Variants in SPRTN observed in about 807,000 individuals in gnomAD.
The protein encoded by SPRTN is SprT-like N-terminal domain.
SPRTN carries 11 observed loss-of-function variants against 31.9 expected under a neutral mutation model. The observed-to-expected ratio is 0.34, with a 90% CI of 0.22 to 0.57. The LOEUF is 0.57. SPRTN is among the 20% of genes least tolerant of loss of function. SPRTN has a pLI of 0.86. For synonymous variants in SPRTN, 185 were observed against 212.1 expected (o/e 0.87, Z 1.11); for missense variants, 482 against 590.1 (o/e 0.82, Z 1.90).
chr1:231,352,966 A>G lies in SPRTN; in HGVS notation c.1075A>G (p.Ile359Val), dbSNP rs187873498. 3 of 1,614,150 alleles carry G rather than the reference A, an allele frequency of 1.9e-6. No homozygotes were observed. Among genetic ancestry groups the G allele is most frequent in the African/African-American group, 2.7e-5 (2 of 75,048 alleles). The stretch of plus-strand genomic sequence containing the variant: ...AAGGATAAGTGTAACAGTTGGCAAC[A>G]TCCCTAAAAACTCAGTCTCTTCTAG... ...SPRISVTVGN[I>V]PKNSVSSSSQ... The change falls in exon 5 of 5, where the codon ATC becomes GTC. Residue 359 changes from isoleucine (I) to valine (V), a missense_variant. Transcript: ENST00000295050.
chr1:231,354,260 T>G lies in SPRTN; in HGVS notation c.*899T>G. 1.0e-6 allele frequency: 1 copy of G among 977,932 alleles called. No homozygotes were observed. 60.6% of individuals were successfully genotyped at this position (977,932 alleles called of 1,614,324 possible). On this transcript the variant is annotated 3_prime_UTR_variant, in exon 5 of 5. Transcript: ENST00000295050. The stretch of plus-strand genomic sequence containing the variant: ...ATTTGTGCATTTTAAGTAATCTTTT[T>G]TAAAAAAAATATTTTCCATGTTATA...
intron 1 of SPRTN, 154 bp from the exon 2 acceptor site, chr1:231,339,611 CTAAT>C (rs1021729511): frequency 8.3e-6 from 7 of 840,642 alleles, no homozygotes; most frequent in African/African-American, 3.4e-5. Flanking sequence ...GGGGTTGTAA[CTAAT>C]TAATTAGGTG....
chr1:231,353,293 A>T lies in SPRTN; in HGVS notation c.1402A>T (p.Ile468Phe). 2 of 1,612,492 alleles carry T rather than the reference A, an allele frequency of 1.2e-6. No homozygotes were observed. The highest frequency in any genetic ancestry group is 1.7e-6 in the Non-Finnish European group (2 of 1,179,598). The change falls in exon 5 of 5, where the codon ATT (isoleucine) becomes TTT (phenylalanine). Residue 468 changes from isoleucine (I) to phenylalanine (F), a missense_variant. This residue lies in a region of SPRTN where 325 missense variants were observed against 350.2 expected (regional missense o/e 0.93). Coordinates refer to ENST00000295050, the MANE Select transcript of SPRTN (RefSeq NM_032018.7). ...TCAGAATGAAGTTCTGGAGTCTCAG[A>T]TTAATGAGCACTTGGACTGGTGCCT... ...VCQNEVLESQ[I>F]NEHLDWCLEG...
rs1368666214 is a variant in SPRTN at position 231,347,862 on chromosome 1, G to A, written c.387G>A (p.Gly129=). Residue 129 remains glycine (G), a synonymous_variant, in exon 3 of 5, where the codon GGG becomes GGA. Transcript: ENST00000295050. ...FVTNNDKDRE[G]HGPEFCKHMH... ...CTAATAACGACAAAGACCGAGAAGGGCATGGTCCAGAATTTTGTAAACATA... is the reference window on the plus strand; with the variant it reads ...CTAATAACGACAAAGACCGAGAAGGACATGGTCCAGAATTTTGTAAACATA... 2 of 1,613,700 alleles carry A rather than the reference G, an allele frequency of 1.2e-6. No individual in the cohort carries two copies. Among genetic ancestry groups the A allele is most frequent in the African/African-American group, 2.7e-5 (2 of 74,894 alleles).
In SPRTN at chr1:231,353,987, A is replaced by C. The variant is rs1687318764; in HGVS notation, c.*626A>C. The stretch of plus-strand genomic sequence containing the variant: ...TAAAGAATATGGAATATAGTAAAAT[A>C]AGTAAATTTCTTTTGGAATATTTTT... On this transcript the variant is annotated 3_prime_UTR_variant, in exon 5 of 5. Coordinates refer to ENST00000295050, the MANE Select transcript of SPRTN (RefSeq NM_032018.7). 1.1e-5 allele frequency: 10 copies of C among 933,346 alleles called. No homozygotes were observed. Among genetic ancestry groups the C allele is most frequent in the Non-Finnish European group, 1.3e-5 (10 of 782,534 alleles). 57.8% of individuals were successfully genotyped at this position (933,346 alleles called of 1,614,324 possible).
rs372548439 is a variant in SPRTN at position 231,353,301 on chromosome 1, G to T, written c.1410G>T (p.Glu470Asp). Residue 470 changes from glutamate (E) to aspartate (D), a missense_variant, in exon 5 of 5, where the codon GAG becomes GAT. Transcript: ENST00000295050. ...AAGTTCTGGAGTCTCAGATTAATGA[G>T]CACTTGGACTGGTGCCTTGAAGGTG... ...QNEVLESQIN[E>D]HLDWCLEGDS... The T allele has an allele frequency of 3.7e-6, 6 of 1,607,980 alleles. No individual in the cohort carries two copies. In the African/African-American group the frequency reaches 8.0e-5, roughly 22 times the overall value.
At chr1:231,339,124 AAAT>A (rs1361396005) in intron 1 of SPRTN, among the ~76,000 whole-genome samples, 1 of 152,200 alleles carries the variant, frequency 6.6e-6, no homozygotes, top group Admixed American at 6.5e-5. Context: ...TCCCTATTTG[AAAT>A]AATAATCTAC....
Position 231,351,205 on chromosome 1 carries a change from TAAAAAAAAAAA to T in SPRTN, c.451-85_451-75del, listed in dbSNP as rs35814914. 2.3e-5 allele frequency: 22 copies of T among 974,786 alleles called. No homozygotes were observed. The African/African-American group carries it at 3.1e-4, about 14-fold the overall frequency. The allele number at this position is 974,786 out of a possible 1,614,324, so 60.4% of individuals were successfully genotyped here. A position where few individuals can be genotyped will look rare whatever the true frequency, so the allele number is the denominator to read the frequency against. The stretch of plus-strand genomic sequence containing the variant: ...AAAGCTCTGGGAAAGTTTCAAAAAT[TAAAAAAAAAAA>T]AAAAAAAAAAAAAGACTGCTTATGT... On this transcript the variant is annotated intron_variant, in intron 3 of 4. Transcript: ENST00000295050.
chr1:231,339,653 G>A, intron 1 of SPRTN, 116 bp from the exon 2 acceptor site: 2 of 1,025,872 alleles, frequency 1.9e-6, no homozygotes, highest in African/African-American at 1.6e-5. Context: ...AACCAAGGGG[G>A]GTATACTTTC....
At position 231,338,330 on chromosome 1, in the gene SPRTN, G is replaced by C. The variant is rs907608566; in HGVS notation, c.-54G>C. On this transcript the variant is annotated 5_prime_UTR_variant, in exon 1 of 5. Transcript: ENST00000295050. ...CGGCTAGGCGGCTTGGGGTCGCGGC[G>C]TAACTGGGGAGCCAGCCTGACGCCG... The C allele has an allele frequency of 4.4e-6, 7 of 1,596,894 alleles. No individual in the cohort carries two copies. In the Admixed American group the frequency reaches 1.0e-4, roughly 23 times the overall value.
intron 2 of SPRTN, among the ~76,000 whole-genome samples, chr1:231,340,861 GGGAAGCATGTTAAAACATGCTT>G (rs1186372011): frequency 4.6e-5 from 7 of 152,084 alleles, no homozygotes; most frequent in Non-Finnish European, 7.4e-5. Context: ...AGCATGGGGT[GGGAAGCATGTTAAAACATGCTT>G]GGAGATGAGA....
rs62617126 is a variant in SPRTN, at chr1:231,353,206, A to T, written c.1315A>T (p.Thr439Ser). The T allele has an allele frequency of 9.2e-3, 14,894 of 1,614,040 alleles. 105 individuals are homozygous for T. The highest frequency in any genetic ancestry group is 0.013 in the South Asian group (1,188 of 91,038). The change falls in exon 5 of 5, where the codon ACC (threonine) becomes TCC (serine). Residue 439 changes from threonine to serine, a missense_variant. Physicochemically the swap from Thr to Ser is moderately conservative, Grantham distance 58. This residue lies in a region of SPRTN where 325 missense variants were observed against 350.2 expected (regional missense o/e 0.93). Coordinates refer to ENST00000295050, the MANE Select transcript of SPRTN (RefSeq NM_032018.7). ...SSGNDPKYST[T>S]TAQNSSSSSS... ...TGGTAATGATCCAAAGTATAGTACA[A>T]CCACAGCTCAGAATTCCAGCAGTTC... is the stretch of plus-strand genomic sequence containing the variant.
In SPRTN at chr1:231,351,298, A is replaced by G. The variant is rs752764168; in HGVS notation, c.451-6A>G. ...ATTGAATACTAAAAATTCTGTCTCC[A>G]CTCAGGTATACCATACTTTTCACGA... is the stretch of plus-strand genomic sequence containing the variant. On this transcript the variant is annotated splice_region_variant and splice_polypyrimidine_tract_variant and intron_variant, in intron 3 of 4. Coordinates refer to ENST00000295050, the MANE Select transcript of SPRTN (RefSeq NM_032018.7). The G allele has an allele frequency of 1.9e-6, 3 of 1,554,114 alleles. No homozygotes were observed. Among genetic ancestry groups the G allele is most frequent in the Admixed American group, 2.0e-5 (1 of 50,258 alleles).
At chr1:231,351,205 T>TAAAAAAAA (rs35814914) in intron 3 of SPRTN, 99 bp from the exon 4 acceptor site, 34 of 858,208 alleles carry the variant, frequency 4.0e-5, no homozygotes, top group African/African-American at 3.3e-4. Flanking sequence ...TTTCAAAAAT[T>TAAAAAAAA]AAAAAAAAAA....
chr1:231,340,048 A>G (rs1358850370), intron 2 of SPRTN, 180 bp downstream of exon 2: 1 of 160,714 alleles, frequency 6.2e-6, no homozygotes, highest in African/African-American at 5.0e-5. Flanking sequence ...GCTTCATAGT[A>G]AAAAAAAAAA....
intron 3 of SPRTN, among the ~76,000 whole-genome samples, chr1:231,349,537 GAT>G (rs1687160041): frequency 6.6e-6 from 1 of 152,156 alleles, no homozygotes; most frequent in Admixed American, 6.5e-5. Context: ...TTTTATCTTA[GAT>G]ATCTGTGTGT....
chr1:231,348,525 C>T (rs1687130495), intron 3 of SPRTN, among the ~76,000 whole-genome samples: 2 of 152,202 alleles, frequency 1.3e-5, no homozygotes. Flanking sequence ...CCCAATCTGA[C>T]ACTAATTAAA....
Position 231,338,520 on chromosome 1 carries a change from A to G in SPRTN, c.137A>G (p.Gln46Arg). ...WELVDPTPDLQALFVQFNDQF... is the reference protein window; with the variant it reads ...WELVDPTPDLRALFVQFNDQF... ...TTGGTGGACCCCACACCGGACTTGC[A>G]GGCACTGTTTGTTCAGTTTAACGAC... is the stretch of plus-strand genomic sequence containing the variant. The change falls in exon 1 of 5, where the codon CAG (glutamine) becomes CGG (arginine). Residue 46 changes from glutamine (Q) to arginine (R), a missense_variant. By Grantham distance (43) the Gln-to-Arg change is conservative. Around this residue, in one of 2 missense-constraint regions of SPRTN, gnomAD observed 157 missense variants for 239.9 expected, o/e 0.65. Coordinates refer to ENST00000295050, the MANE Select transcript of SPRTN (RefSeq NM_032018.7). 1 of 1,614,212 alleles carries G rather than the reference A, an allele frequency of 6.2e-7. No homozygotes were observed. Among genetic ancestry groups the G allele is most frequent in the African/African-American group, 1.3e-5 (1 of 75,056 alleles).
Position 231,352,403 on chromosome 1 carries a change from T to G in SPRTN, c.719-207T>G, listed in dbSNP as rs1687266664. The G allele has an allele frequency of 2.4e-6, 3 of 1,230,406 alleles. No individual in the cohort carries two copies. The East Asian group carries it at 9.8e-5, about 40-fold the overall frequency. The allele number at this position is 1,230,406 out of a possible 1,614,324, so 76.2% of individuals were successfully genotyped here. A position where few individuals can be genotyped will look rare whatever the true frequency, so the allele number is the denominator to read the frequency against. ...ATTCTTTATTTAAATATGAGAGAATTTTTTTTTATCCTTTATATTCTCTCA... is the reference window on the plus strand; with the variant it reads ...ATTCTTTATTTAAATATGAGAGAATGTTTTTTTATCCTTTATATTCTCTCA... On this transcript the variant is annotated intron_variant, in intron 4 of 4. Transcript: ENST00000295050.
Sources: allele counts gnomAD v4.1 joint callset (sites outside exome capture counted in the v4.1 genomes callset), GRCh38; gene constraint gnomAD v4.1.1; regional missense constraint gnomAD v4.1.1; transcripts MANE v1.5; gene names NCBI Gene and HGNC (gene_info 2026-07-23, HGNC 2026-07-21).